Variants in ZMYND8 observed in about 807,000 individuals in gnomAD.
ZMYND8 encodes zinc finger MYND-type containing 8, also known as MYND-type zinc finger-containing chromatin reader ZMYND8.
In ZMYND8, 37 loss-of-function variants were observed where a neutral mutation model predicts 140.8. The observed-to-expected ratio is 0.26, with a 90% CI of 0.20 to 0.35. The LOEUF (loss-of-function observed/expected upper bound fraction) is 0.35. Among genes scored for constraint, ZMYND8 ranks in the 10% least tolerant of loss-of-function variants. ZMYND8 has a pLI of 1.00. For synonymous variants in ZMYND8, 592 were observed against 597.1 expected (o/e 0.99, Z 0.12); for missense variants, 1,068 against 1,570.0 (o/e 0.68, Z 5.40).
At chr20:47,256,034 T>C (rs1378131029) in intron 12 of ZMYND8, among the ~76,000 whole-genome samples, 2 of 147,344 alleles carry the variant, frequency 1.4e-5, no homozygotes, top group African/African-American at 2.5e-5. Flanking sequence ...GATTGTACCA[T>C]TGCACTCCAG....
intron 12 of ZMYND8, among the ~76,000 whole-genome samples, chr20:47,256,346 A>T (rs1312370575): frequency 6.6e-6 from 1 of 152,164 alleles, no homozygotes; most frequent in African/African-American, 2.4e-5. Flanking sequence ...GAGGCCGGGC[A>T]CAGTGGCTCA....
In ZMYND8 at chr20:47,239,060, G is replaced by A. The variant is rs767210378; in HGVS notation, c.2363C>T (p.Ala788Val). 142 of 1,567,450 alleles carry A rather than the reference G, an allele frequency of 9.1e-5. No homozygotes were observed. Among genetic ancestry groups the A allele is most frequent in the Non-Finnish European group, 1.2e-4 (137 of 1,155,528 alleles). Residue 788 changes from alanine to valine, a missense_variant, in exon 15 of 23, where the codon GCC (alanine) becomes GTC (valine). By Grantham distance (64) the Ala-to-Val change is moderately conservative. Around this residue, in one of 10 missense-constraint regions of ZMYND8, gnomAD observed 383 missense variants for 431.2 expected, o/e 0.89. Coordinates refer to ENST00000471951, the MANE Select transcript of ZMYND8 (RefSeq NM_001281775.3). ...TGTGGCGCCAGCCGCGGAAGTTTGG[G>A]CGGAAGAGCGGGTGAGCACCGGTGT... Reference protein sequence around the residue: ...PETPVLTRSSAQTSAAGATAT... With the variant: ...PETPVLTRSSVQTSAAGATAT...
chr20:47,319,311 G>A, intron 2 of ZMYND8: 1 of 297,742 alleles, frequency 3.4e-6, no homozygotes, highest in South Asian at 3.0e-5. Context: ...TTGATTTCGT[G>A]GGATTGTGAA....
Position 47,220,282 on chromosome 20 carries a change from G to T in ZMYND8, c.3460C>A (p.Leu1154Ile). 6.4e-7 allele frequency: 1 copy of T among 1,564,950 alleles called. No homozygotes were observed. The change falls in exon 21 of 23, where the codon CTC becomes ATC. Residue 1154 changes from leucine (L) to isoleucine (I), a missense_variant. Physicochemically the swap from Leu to Ile is conservative, Grantham distance 5 (BLOSUM62 2). Transcript: ENST00000471951. ...CCAGAGCCTTGGTTGGAGCCTAAGA[G>T]AATGGAGGAGGGCGTCTCTCTGGAG... is the stretch of plus-strand genomic sequence containing the variant. The part of the protein sequence containing the change: ...SGSRETPSSI[L>I]LGSNQGSVSK...
At chr20:47,212,200 G>A (rs917937219) in intron 22 of ZMYND8, among the ~76,000 whole-genome samples, 2 of 152,146 alleles carry the variant, frequency 1.3e-5, no homozygotes, top group African/African-American at 4.8e-5. Flanking sequence ...TCCAGCTCTG[G>A]TGAGGGCAGA....
intron 21 of ZMYND8, among the ~76,000 whole-genome samples, chr20:47,217,615 TCTGAA>T (rs11468933): frequency 0.3 from 45,479 of 151,106 alleles, 7,238 homozygotes; most frequent in Non-Finnish European, 0.37. Context: ...TCTGGAGAGA[TCTGAA>T]CTGAAGTCTT....
intron 12 of ZMYND8, among the ~76,000 whole-genome samples, chr20:47,259,151 C>T (rs987820575): frequency 6.6e-6 from 1 of 152,198 alleles, no homozygotes; most frequent in African/African-American, 2.4e-5. Flanking sequence ...ACAAGCATGA[C>T]TGGCAGAGAG....
chr20:47,278,022 G>C (rs1274770133), intron 10 of ZMYND8, among the ~76,000 whole-genome samples: 1 of 152,028 alleles, frequency 6.6e-6, no homozygotes, highest in African/African-American at 2.4e-5. Context: ...ACCCAAGCCA[G>C]AGAGCAGAAG....
chr20:47,314,296 C>T (rs1398657045), intron 2 of ZMYND8, among the ~76,000 whole-genome samples: 24 of 152,044 alleles, frequency 1.6e-4, no homozygotes, highest in Admixed American at 1.5e-3. Flanking sequence ...GTCAGGAGTT[C>T]GAGACCAGAC....
At chr20:47,292,164 A>G (rs562170947) in intron 5 of ZMYND8, among the ~76,000 whole-genome samples, 130 of 152,360 alleles carry the variant, frequency 8.5e-4, no homozygotes, top group African/African-American at 3.0e-3. Flanking sequence ...TAAGATTGAC[A>G]ATTACAATAC....
chr20:47,262,181 TAGAGA>T, intron 12 of ZMYND8, 102 bp downstream of exon 12: 4 of 1,496,670 alleles, frequency 2.7e-6, no homozygotes, highest in Non-Finnish European at 2.7e-6. Flanking sequence ...ATTTTTTGCA[TAGAGA>T]AAAGAGTTGA....
Position 47,276,666 on chromosome 20 carries a change from C to T in ZMYND8, c.1128G>A (p.Lys376=). 1 of 1,614,030 alleles carries T rather than the reference C, an allele frequency of 6.2e-7. No individual in the cohort carries two copies. The highest frequency in any genetic ancestry group is 8.5e-7 in the Non-Finnish European group (1 of 1,180,006). ...MEVYVENIRR[K]FGVFNYSPFR... is the part of the protein sequence containing the mutation. ...ATGGAGAGTAATTAAAAACCCCAAACTTCCTGCGGATGTTCTCCACGTAAA... is the reference window on the plus strand; with the variant it reads ...ATGGAGAGTAATTAAAAACCCCAAATTTCCTGCGGATGTTCTCCACGTAAA... Residue 376 remains lysine (K), a synonymous_variant, in exon 11 of 23, where the codon AAG becomes AAA. Transcript: ENST00000471951.
intron 2 of ZMYND8, among the ~76,000 whole-genome samples, chr20:47,316,556 G>A (rs1293160157): frequency 1.3e-5 from 2 of 151,942 alleles, no homozygotes; most frequent in Admixed American, 1.3e-4. Context: ...ACTTTGGGAG[G>A]CCGAGGCAGG....
chr20:47,321,810 G>A (rs1025063631), intron 2 of ZMYND8, among the ~76,000 whole-genome samples: 1 of 151,650 alleles, frequency 6.6e-6, no homozygotes, highest in African/African-American at 2.4e-5. Flanking sequence ...CTATCTGGGA[G>A]GCATTGTTAG....
chr20:47,226,927 G>A (rs533344796), intron 18 of ZMYND8, among the ~76,000 whole-genome samples: 20 of 152,226 alleles, frequency 1.3e-4, no homozygotes, highest in East Asian at 3.9e-4. Context: ...CTCCCAAAGC[G>A]CTGGAATTAC....
intron 11 of ZMYND8, among the ~76,000 whole-genome samples, chr20:47,270,722 AAGAAAG>A (rs1434595122): frequency 1.3e-5 from 2 of 150,714 alleles, no homozygotes; most frequent in African/African-American, 4.9e-5. Flanking sequence ...AAAAAAAAGA[AAGAAAG>A]AAAAAGAAAA....
chr20:47,282,546 G>A (rs1304322255), intron 9 of ZMYND8, among the ~76,000 whole-genome samples: 1 of 152,122 alleles, frequency 6.6e-6, no homozygotes, highest in African/African-American at 2.4e-5. Context: ...CCAACATGGT[G>A]AAATCCCATC....
intron 19 of ZMYND8, 120 bp from the exon 20 acceptor site, chr20:47,221,594 A>T: frequency 7.9e-7 from 1 of 1,268,556 alleles, no homozygotes; most frequent in Non-Finnish European, 1.0e-6. Context: ...CCAGGGCATA[A>T]AAGTGGAGGC....
Position 47,310,095 on chromosome 20 carries a change from T to C in ZMYND8, c.195A>G (p.Lys65=). 6.2e-7 allele frequency: 1 copy of C among 1,614,204 alleles called. No homozygotes were observed. Among genetic ancestry groups the C allele is most frequent in the Admixed American group, 1.7e-5 (1 of 60,022 alleles). ...TACTGTTCAGTAAGCCAGGTTTCTT[T>C]TTCTTTTTAATGGGGCTTGTTGATG... The part of the protein sequence containing the change: ...QDTSTSPIKK[K]KKPGLLNSNN... Residue 65 remains lysine, a synonymous_variant, in exon 3 of 23, where the codon AAA becomes AAG. Coordinates refer to ENST00000471951, the MANE Select transcript of ZMYND8 (RefSeq NM_001281775.3).
Sources: gnomAD v4.1 joint callset for allele counts (sites outside exome capture counted in the v4.1 genomes callset) on GRCh38, gnomAD v4.1.1 for gene constraint, gnomAD v4.1.1 regional missense constraint, MANE v1.5 for transcripts, NCBI Gene and HGNC (gene_info 2026-07-23, HGNC 2026-07-21) for gene names.